The following CLPTM1L variants were observed in gnomAD, a reference collection of about 807,000 sequenced individuals.
The protein encoded by CLPTM1L is lipid scramblase CLPTM1L.
In CLPTM1L, 38 loss-of-function variants were observed where a neutral mutation model predicts 70.9. The observed-to-expected ratio is 0.54, with a 90% CI of 0.41 to 0.70. The LOEUF is 0.70. CLPTM1L is among the 30% of genes least tolerant of loss of function. The pLI is 0.00. For synonymous variants in CLPTM1L, 339 were observed against 299.9 expected (o/e 1.13, Z -1.35); for missense variants, 652 against 705.9 (o/e 0.92, Z 0.87).
intron 6 of CLPTM1L, 52 bp downstream of exon 6, chr5:1,335,005 C>G: frequency 2.8e-6 from 4 of 1,443,894 alleles, no homozygotes; most frequent in Non-Finnish European, 3.9e-6. Flanking sequence ...CTTGGATGCC[C>G]GAGGGGCTCC....
rs1476724261 is a variant in CLPTM1L, at chr5:1,318,609, TGAG to T, written c.1533-159_1533-157del. 6.6e-6 allele frequency among the ~76,000 whole-genome samples: 1 copy of T among 152,192 alleles called. No individual in the cohort carries two copies. Among genetic ancestry groups the T allele is most frequent in the Non-Finnish European group, 1.5e-5 (1 of 68,028 alleles). ...CCTCAGAAGTTTTACTGCCGAGGGCTGAGGAGGGATTTCTGAGTTGTGTTTTGT... is the reference window on the plus strand; with the variant it reads ...CCTCAGAAGTTTTACTGCCGAGGGCTGAGGGATTTCTGAGTTGTGTTTTGT... On this transcript the variant is annotated intron_variant, in intron 16 of 16. Transcript: ENST00000320895. The surrounding 1 kb of genome is among the most constrained non-coding windows in gnomAD (Gnocchi z 8.9).
intron 10 of CLPTM1L, chr5:1,325,544 G>C (rs1227995362): frequency 3.5e-6 from 2 of 577,070 alleles, no homozygotes; most frequent in African/African-American, 1.9e-5. Context: ...CTGCACTGAA[G>C]ACGGTCAGAA....
At chr5:1,325,362 C>CTA in intron 10 of CLPTM1L, 1 of 267,400 alleles carries the variant, frequency 3.7e-6, no homozygotes, top group Non-Finnish European at 7.1e-6. Context: ...ACTGGGGCAG[C>CTA]CACCAGCTCA....
Position 1,337,819 on chromosome 5 carries a change from T to C in CLPTM1L, c.678+85A>G, listed in dbSNP as rs1446443063. On this transcript the variant is annotated intron_variant, in intron 5 of 16. Coordinates refer to ENST00000320895, the MANE Select transcript of CLPTM1L (RefSeq NM_030782.5). ...GTGTCAAATGTCAGCAATGGCCCGG[T>C]CCATTAGGGTGCAGGGGCTGCGGGG... is the stretch of plus-strand genomic sequence containing the variant. The C allele has an allele frequency of 2.9e-6, 3 of 1,052,270 alleles. No homozygotes were observed. The African/African-American group carries it at 4.7e-5, about 16-fold the overall frequency. The allele number at this position is 1,052,270 out of a possible 1,614,324, so 65.2% of individuals were successfully genotyped here. A position where few individuals can be genotyped will look rare whatever the true frequency, so the allele number is the denominator to read the frequency against.
chr5:1,330,224 T>C (rs922498640), intron 9 of CLPTM1L, 56 bp downstream of exon 9: 3 of 1,439,160 alleles, frequency 2.1e-6, no homozygotes, highest in Non-Finnish European at 2.9e-6. Flanking sequence ...AAGCCTTTCC[T>C]GAGTGCGTGG....
At position 1,338,982 on chromosome 5, in the gene CLPTM1L, C is replaced by T. The variant is rs376216239; in HGVS notation, c.477G>A (p.Pro159=). 1.5e-5 allele frequency: 25 copies of T among 1,613,216 alleles called. No homozygotes were observed. The highest frequency in any genetic ancestry group is 3.3e-5 in the South Asian group (3 of 91,086). Residue 159 remains proline, a synonymous_variant, in exon 4 of 17, where the codon CCG becomes CCA. Coordinates refer to ENST00000320895, the MANE Select transcript of CLPTM1L (RefSeq NM_030782.5). ...ACACTGGCTCATCCAGGGCACTCGTCGGCTTCTTCTCCGCCTCGATCTGCT... is the reference window on the plus strand; with the variant it reads ...ACACTGGCTCATCCAGGGCACTCGTTGGCTTCTTCTCCGCCTCGATCTGCT... ...DTQQIEAEKK[P]TSALDEPVSH...
rs1042516693 is a variant in CLPTM1L, at chr5:1,324,974, G to C, written c.1147-161C>G. On this transcript the variant is annotated intron_variant, in intron 10 of 16. Coordinates refer to ENST00000320895, the MANE Select transcript of CLPTM1L (RefSeq NM_030782.5). ...CAGGCGAGGAGAGGACCCAGAGGAC[G>C]GGGATCCGCATGGATCCTTCCCGCC... 1.1e-5 allele frequency: 7 copies of C among 652,456 alleles called. No individual in the cohort carries two copies. In the East Asian group the frequency reaches 1.9e-4, roughly 18 times the overall value. 40.4% of individuals were successfully genotyped at this position (652,456 alleles called of 1,614,324 possible).
At chr5:1,333,482 T>G (rs1579642063) in intron 7 of CLPTM1L, among the ~76,000 whole-genome samples, 3 of 118,780 alleles carry the variant, frequency 2.5e-5, no homozygotes, top group African/African-American at 9.5e-5. Flanking sequence ...GACTATTGTA[T>G]ACACACCAGA....
intron 5 of CLPTM1L, among the ~76,000 whole-genome samples, chr5:1,337,016 G>A (rs1484283418): frequency 5.9e-5 from 9 of 152,286 alleles, no homozygotes; most frequent in East Asian, 1.9e-4. Context: ...GAAAGGGCCC[G>A]CCTCAGAGGT....
chr5:1,331,821 C>A lies in CLPTM1L; in HGVS notation c.954G>T (p.Met318Ile). 1 of 1,613,474 alleles carries A rather than the reference C, an allele frequency of 6.2e-7. No individual in the cohort carries two copies. Among genetic ancestry groups the A allele is most frequent in the African/African-American group, 1.3e-5 (1 of 75,070 alleles). Residue 318 changes from methionine (M) to isoleucine (I), a missense_variant, in exon 8 of 17, where the codon ATG becomes ATT. By Grantham distance (10) the Met-to-Ile change is conservative. Around this residue, in one of 3 missense-constraint regions of CLPTM1L, gnomAD observed 240 missense variants for 295.0 expected, o/e 0.81. Transcript: ENST00000320895. ...TACCTGCCTTGGTGGACATGCCGATCATGCTCTTCTTCTTCTTCCAGAAAC... is the reference window on the plus strand; with the variant it reads ...TACCTGCCTTGGTGGACATGCCGATAATGCTCTTCTTCTTCTTCCAGAAAC... ...DISFWKKKKS[M>I]IGMSTKAVLW...
At chr5:1,325,624 C>A in intron 10 of CLPTM1L, 127 bp downstream of exon 10, 1 of 749,620 alleles carries the variant, frequency 1.3e-6, no homozygotes, top group South Asian at 1.6e-5. Context: ...CTGCCTCCAC[C>A]ACGGAGGCTC....
intron 9 of CLPTM1L, among the ~76,000 whole-genome samples, chr5:1,327,684 C>T: frequency 6.7e-6 from 1 of 150,232 alleles, no homozygotes; most frequent in Non-Finnish European, 1.5e-5. Context: ...TCCTCCTCTA[C>T]AGACACATTT....
chr5:1,321,850 G>T, intron 13 of CLPTM1L, 31 bp from the exon 14 acceptor site: 1 of 1,601,294 alleles, frequency 6.2e-7, no homozygotes, highest in Non-Finnish European at 8.5e-7. Flanking sequence ...CTCACGAGGT[G>T]CGGAGGGCCG....
intron 5 of CLPTM1L, among the ~76,000 whole-genome samples, chr5:1,335,816 C>T (rs906803164): frequency 2.6e-5 from 4 of 152,164 alleles, no homozygotes; most frequent in African/African-American, 7.2e-5. Context: ...GGGTGAGGAA[C>T]GGGTTCACAA....
chr5:1,343,607 G>T (rs1256327049), intron 2 of CLPTM1L, among the ~76,000 whole-genome samples: 1 of 152,228 alleles, frequency 6.6e-6, no homozygotes, highest in Non-Finnish European at 1.5e-5. Context: ...CCCCTTCATG[G>T]AGGCAGAGAG....
chr5:1,331,851 G>C lies in CLPTM1L; in HGVS notation c.924C>G (p.Asp308Glu). 1 of 1,613,454 alleles carries C rather than the reference G, an allele frequency of 6.2e-7. No individual in the cohort carries two copies. Among genetic ancestry groups the C allele is most frequent in the Non-Finnish European group, 8.5e-7 (1 of 1,179,988 alleles). Residue 308 changes from aspartate to glutamate, a missense_variant, in exon 8 of 17, where the codon GAC becomes GAG. Transcript: ENST00000320895. ...LLFDFLAFKN[D>E]ISFWKKKKSM... Reference sequence around the variant, plus strand: ...TCTTCTTCTTCTTCCAGAAACTGATGTCATTTTTAAAGGCCAGGAAATCAA... The same window carrying C: ...TCTTCTTCTTCTTCCAGAAACTGATCTCATTTTTAAAGGCCAGGAAATCAA...
At chr5:1,344,209 G>A (rs1579661186) in intron 2 of CLPTM1L, 142 bp downstream of exon 2, 3 of 673,860 alleles carry the variant, frequency 4.5e-6, no homozygotes, top group East Asian at 5.4e-5. Flanking sequence ...TAGGCCTCCA[G>A]TTAGGATATT....
intron 3 of CLPTM1L, 118 bp from the exon 4 acceptor site, chr5:1,339,123 G>A (rs1225962528): frequency 2.5e-6 from 3 of 1,219,946 alleles, no homozygotes; most frequent in Non-Finnish European, 3.4e-6. Context: ...CTGTGCCCGG[G>A]ACAGCAGGGT....
Position 1,338,486 on chromosome 5 carries a change from T to C in CLPTM1L, c.599+374A>G, listed in dbSNP as rs571153245. On this transcript the variant is annotated intron_variant, in intron 4 of 16. Transcript: ENST00000320895. ...ACACGTGAATTCCAATAATTGTATT[T>C]AACTGATGGCAAGTGATACTAAATA... Among the ~76,000 whole-genome samples, 18 of 152,340 alleles carry C rather than the reference T, an allele frequency of 1.2e-4. No individual in the cohort carries two copies. The East Asian group carries it at 3.5e-3, about 29-fold the overall frequency.
Sources: gnomAD v4.1 joint callset for allele counts (sites outside exome capture counted in the v4.1 genomes callset) on GRCh38, gnomAD v4.1.1 for gene constraint, gnomAD v4.1.1 regional missense constraint, Gnocchi (gnomAD v3.1) non-coding constraint, MANE v1.5 for transcripts, NCBI Gene and HGNC (gene_info 2026-07-23, HGNC 2026-07-21) for gene names.